The following MASTL variants were observed in gnomAD, a reference collection of about 807,000 sequenced individuals.
The protein encoded by MASTL is microtubule associated serine/threonine kinase like, also known as serine/threonine-protein kinase greatwall.
In MASTL, 54 loss-of-function variants were observed where a neutral mutation model predicts 82.5. The observed-to-expected ratio is 0.65, with a 90% CI of 0.53 to 0.82. The LOEUF (loss-of-function observed/expected upper bound fraction) is 0.82, where lower values mean the gene tolerates loss of function less well. Among genes scored for constraint, MASTL ranks in the 40% least tolerant of loss-of-function variants. The pLI is 0.00. For synonymous variants in MASTL, 323 were observed against 368.9 expected (o/e 0.88, Z 1.43); for missense variants, 950 against 1,047.8 (o/e 0.91, Z 1.29).
intron 9 of MASTL, among the ~76,000 whole-genome samples, chr10:27,175,038 C>CT (rs2058060741): frequency 6.6e-6 from 1 of 151,868 alleles, no homozygotes; most frequent in Non-Finnish European, 1.5e-5. Flanking sequence ...TCCTTGCCGG[C>CT]TTTTATCCTC....
At chr10:27,168,634 T>C (rs1406480770) in intron 7 of MASTL, among the ~76,000 whole-genome samples, 1 of 152,064 alleles carries the variant, frequency 6.6e-6, no homozygotes, top group East Asian at 1.9e-4. Flanking sequence ...CTGGCCAACA[T>C]GGCAAAACCC....
chr10:27,161,217 C>A, intron 4 of MASTL, 35 bp downstream of exon 4: 3 of 1,265,574 alleles, frequency 2.4e-6, no homozygotes, highest in Non-Finnish European at 3.5e-6. Flanking sequence ...TTTTTTAAAA[C>A]ATCCAACAGG....
intron 5 of MASTL, 94 bp from the exon 6 acceptor site, chr10:27,165,295 C>A: frequency 1.4e-6 from 2 of 1,426,448 alleles, no homozygotes; most frequent in Non-Finnish European, 2.0e-6. Context: ...TTTACTTTAA[C>A]AGTTTGTCTA....
chr10:27,185,366 C>A (rs185704300), intron 11 of MASTL, among the ~76,000 whole-genome samples: 7 of 152,194 alleles, frequency 4.6e-5, no homozygotes, highest in Admixed American at 3.9e-4. Context: ...GGCGCGGTGG[C>A]TCACACCTAT....
chr10:27,173,356 C>T, intron 9 of MASTL, 97 bp downstream of exon 9: 3 of 1,383,216 alleles, frequency 2.2e-6, no homozygotes, highest in Non-Finnish European at 3.1e-6. Flanking sequence ...CTTACGTTAC[C>T]TAAAGTAAAA....
intron 7 of MASTL, among the ~76,000 whole-genome samples, chr10:27,168,731 T>G (rs958193878): frequency 6.6e-6 from 1 of 152,024 alleles, no homozygotes; most frequent in Non-Finnish European, 1.5e-5. Context: ...GCAGGAGAAT[T>G]GCTTGAACCC....
chr10:27,164,041 A>C (rs1438096285), intron 4 of MASTL, among the ~76,000 whole-genome samples: 1 of 151,282 alleles, frequency 6.6e-6, no homozygotes, highest in Non-Finnish European at 1.5e-5. Flanking sequence ...CCCAGGCTCA[A>C]GCGATTCTTG....
upstream of MASTL, chr10:27,154,505 G>C: frequency 1.9e-6 from 1 of 518,560 alleles, no homozygotes; most frequent in Non-Finnish European, 3.4e-6. Flanking sequence ...AAGGAGCAGC[G>C]CCCCCAAAGG....
rs376102716 is a variant in MASTL, at chr10:27,155,383, C to A, written c.-44C>A. 21 of 1,544,744 alleles carry A rather than the reference C, an allele frequency of 1.4e-5. No homozygotes were observed. Among genetic ancestry groups the A allele is most frequent in the East Asian group, 4.8e-5 (2 of 41,538 alleles). ...AACCCAGTTGGCGGGAGTGGCTGCT[C>A]GCGGAGGGGCAGTGTCTGCGGGGCC... On this transcript the variant is annotated 5_prime_UTR_variant, in exon 1 of 12. Coordinates refer to ENST00000375940, the MANE Select transcript of MASTL (RefSeq NM_001172303.3).
rs771779013 is a variant in MASTL, at chr10:27,159,697, A to G, written c.403A>G (p.Lys135Glu). Reference protein sequence around the residue: ...YGYFDEEMAVKYISEVALALD... With the variant: ...YGYFDEEMAVEYISEVALALD... ...TTATTTTGATGAAGAGATGGCTGTGAAATATATTTCTGAAGTAGCACTGGC... is the reference window on the plus strand; with the variant it reads ...TTATTTTGATGAAGAGATGGCTGTGGAATATATTTCTGAAGTAGCACTGGC... Residue 135 changes from lysine to glutamate, a missense_variant, in exon 3 of 12, where the codon AAA becomes GAA. Physicochemically the swap from Lys to Glu is moderately conservative, Grantham distance 56. Transcript: ENST00000375940. The surrounding 1 kb of genome is among the most constrained non-coding windows in gnomAD (Gnocchi z 4.0). The G allele has an allele frequency of 1.4e-5, 22 of 1,606,076 alleles. No individual in the cohort carries two copies. In the South Asian group the frequency reaches 2.2e-4, roughly 16 times the overall value.
Position 27,181,174 on chromosome 10 carries a change from C to A in MASTL, c.2380+108C>A, listed in dbSNP as rs1222725797. On this transcript the variant is annotated intron_variant, in intron 10 of 11. Coordinates refer to ENST00000375940, the MANE Select transcript of MASTL (RefSeq NM_001172303.3). ...CCAAGGCGGGTGGATCGCCTGAGGTCAGGAGTTCGAGACCAGCCTGGCCAA... is the reference window on the plus strand; with the variant it reads ...CCAAGGCGGGTGGATCGCCTGAGGTAAGGAGTTCGAGACCAGCCTGGCCAA... 2.9e-5 allele frequency: 23 copies of A among 798,716 alleles called. No homozygotes were observed. The East Asian group carries it at 6.2e-4, about 22-fold the overall frequency. The allele number at this position is 798,716 out of a possible 1,614,324, so 49.5% of individuals were successfully genotyped here.
rs1344761205 is a variant in MASTL, at chr10:27,156,853, T to C, written c.186+1241T>C. ...AATTTTTTTTTTTTTTTTTTTGAGA[T>C]AGAGTTTCACAGTGACGTGATCTCA... On this transcript the variant is annotated intron_variant, in intron 1 of 11. Transcript: ENST00000375940. Among the ~76,000 whole-genome samples the C allele has an allele frequency of 5.1e-4, 54 of 105,144 alleles. No homozygotes were observed. The Admixed American group carries it at 5.4e-3, about 11-fold the overall frequency. 69.0% of individuals were successfully genotyped at this position (105,144 alleles called of 152,430 possible).
chr10:27,169,857 C>A (rs1438705018), intron 7 of MASTL, 87 bp from the exon 8 acceptor site: 1 of 1,328,670 alleles, frequency 7.5e-7, no homozygotes, highest in Non-Finnish European at 1.1e-6. Flanking sequence ...TTTATGGGGT[C>A]ATTTATCCTA....
rs1377741466 is a variant in MASTL, at chr10:27,158,773, GTGCT to G, written c.324+91_324+94del. On this transcript the variant is annotated intron_variant, in intron 2 of 11. Coordinates refer to ENST00000375940, the MANE Select transcript of MASTL (RefSeq NM_001172303.3). ...TAAGAGAACCATGTTTTGGTTCAGAGTGCTTGCATTTGAATTCTGGCTGCACTCA... is the reference window on the plus strand; with the variant it reads ...TAAGAGAACCATGTTTTGGTTCAGAGTGCATTTGAATTCTGGCTGCACTCA... The G allele has an allele frequency of 4.1e-6, 6 of 1,451,886 alleles. No individual in the cohort carries two copies. The East Asian group carries it at 1.1e-4, about 27-fold the overall frequency. 89.9% of individuals were successfully genotyped at this position (1,451,886 alleles called of 1,614,324 possible). A position where few individuals can be genotyped will look rare whatever the true frequency, so the allele number is the denominator to read the frequency against.
intron 9 of MASTL, among the ~76,000 whole-genome samples, chr10:27,173,755 A>G (rs1170981227): frequency 1.3e-5 from 2 of 151,580 alleles, no homozygotes; most frequent in African/African-American, 2.4e-5. Flanking sequence ...TAATTTTTGT[A>G]TTTTTAGTAG....
intron 4 of MASTL, 128 bp from the exon 5 acceptor site, chr10:27,164,936 C>T (rs1813917788): frequency 2.9e-6 from 2 of 682,296 alleles, no homozygotes; most frequent in Admixed American, 2.2e-5. Flanking sequence ...CCGTGCCCAG[C>T]CACTGTCTCC....
At chr10:27,176,570 T>G (rs1037986041) in intron 9 of MASTL, among the ~76,000 whole-genome samples, 4 of 152,278 alleles carry the variant, frequency 2.6e-5, no homozygotes, top group Admixed American at 1.3e-4. Context: ...AATTTTCAGG[T>G]CTTCCCTATT....
intron 11 of MASTL, among the ~76,000 whole-genome samples, chr10:27,182,277 A>C (rs1226537287): frequency 1.3e-5 from 2 of 151,896 alleles, no homozygotes; most frequent in East Asian, 1.9e-4. Flanking sequence ...TTCCAATATA[A>C]TACTACAGAT....
chr10:27,165,292 T>C, intron 5 of MASTL, 97 bp from the exon 6 acceptor site: 1 of 1,428,730 alleles, frequency 7.0e-7, no homozygotes, highest in Non-Finnish European at 9.9e-7. Context: ...GGATTTACTT[T>C]AACAGTTTGT....
Sources: allele counts gnomAD v4.1 joint callset (sites outside exome capture counted in the v4.1 genomes callset), GRCh38; gene constraint gnomAD v4.1.1; non-coding constraint Gnocchi (gnomAD v3.1); transcripts MANE v1.5; gene names NCBI Gene and HGNC (gene_info 2026-07-23, HGNC 2026-07-21).